The following CPA5 variants were observed in gnomAD, a reference collection of about 807,000 sequenced individuals.
The protein encoded by CPA5 is testicular tissue protein Li 32.
Under a neutral mutation model 52.2 loss-of-function variants are expected in CPA5, and 38 were observed. That is an observed-to-expected ratio of 0.73 (90% CI 0.56 to 0.95). The LOEUF is 0.95. Ranked by LOEUF, CPA5 falls within the 40% of genes least tolerant of loss-of-function variation. The probability of loss-of-function intolerance (pLI) is 0.00; values close to 1 mark genes in which losing one functional copy is unlikely to be tolerated. For missense variants in CPA5, 519 were observed against 566.7 expected, an observed-to-expected ratio of 0.92 and a Z score of 0.86; for synonymous variants, 198 against 213.7, an observed-to-expected ratio of 0.93 and a Z score of 0.64.
chr7:130,374,588 A>T, the CPA5 span, among the ~76,000 whole-genome samples: 1 of 152,122 alleles, frequency 6.6e-6, no homozygotes, highest in African/African-American at 2.4e-5. Flanking sequence ...AAAATAAAAC[A>T]TGGAAGCTGG....
chr7:130,367,799 C>T (rs1330820754), intron 11 of CPA5, 107 bp from the exon 12 acceptor site: 1 of 1,036,186 alleles, frequency 9.7e-7, no homozygotes, highest in African/African-American at 1.6e-5. Flanking sequence ...CCACCTTCAA[C>T]TTCCAGGACT....
At position 130,359,593 on chromosome 7, in the gene CPA5, T is replaced by C. The variant is rs1554406029; in HGVS notation, c.338T>C (p.Leu113Pro). 5 of 1,560,870 alleles carry C rather than the reference T, an allele frequency of 3.2e-6. No individual in the cohort carries two copies. Among genetic ancestry groups the C allele is most frequent in the Non-Finnish European group, 3.5e-6 (4 of 1,151,580 alleles). ...YSIMIKDIQV[L>P]LDEERQAMAK... ...TATGTGTTCCCCATCACCCAGGTGC[T>C]GCTGGATGAGGAAAGACAGGCCATG... The change falls in exon 6 of 13, where the codon CTG becomes CCG. Residue 113 changes from leucine (L) to proline (P), a missense_variant. Transcript: ENST00000474905.
At chr7:130,348,902 T>C (rs1794944965) in intron 4 of CPA5, among the ~76,000 whole-genome samples, 1 of 152,144 alleles carries the variant, frequency 6.6e-6, no homozygotes, top group African/African-American at 2.4e-5. Flanking sequence ...TTGCAAGCTG[T>C]TCTGAGTAGT....
intron 4 of CPA5, 113 bp from the exon 5 acceptor site, chr7:130,349,862 T>A: frequency 3.1e-6 from 4 of 1,278,768 alleles, no homozygotes; most frequent in Non-Finnish European, 4.3e-6. Context: ...ATCTCCTGCG[T>A]AGAAAGAGGG....
At position 130,359,612 on chromosome 7, in the gene CPA5, GGC is replaced by G; in HGVS notation, c.358_359del (p.Ala120HisfsTer27). On this transcript the variant is annotated frameshift_variant, in exon 6 of 13. Transcript: ENST00000474905. LOFTEE classifies it high-confidence loss of function. ...AGGTGCTGCTGGATGAGGAAAGACA[GGC>G]CATGGCGAAATCCCGCCGGCTGGAG... ...IQVLLDEERQ[A>X]MAKSRRLERS... is the part of the protein sequence containing the mutation. 6.4e-7 allele frequency: 1 copy of G among 1,571,634 alleles called. No homozygotes were observed. Among genetic ancestry groups the G allele is most frequent in the Non-Finnish European group, 8.6e-7 (1 of 1,157,844 alleles).
At chr7:130,350,498 C>T (rs966376096) in intron 5 of CPA5, among the ~76,000 whole-genome samples, 1 of 152,190 alleles carries the variant, frequency 6.6e-6, no homozygotes, top group African/African-American at 2.4e-5. Flanking sequence ...CTCCTGTTCC[C>T]GCTGTGTCTC....
At chr7:130,356,089 C>T (rs1436454998) in intron 5 of CPA5, among the ~76,000 whole-genome samples, 3 of 152,304 alleles carry the variant, frequency 2.0e-5, no homozygotes, top group African/African-American at 4.8e-5. Context: ...AGGCCAGGAA[C>T]GTGGGAGGAG....
At chr7:130,360,993 T>C in intron 6 of CPA5, 150 bp from the exon 7 acceptor site, 1 of 601,500 alleles carries the variant, frequency 1.7e-6, no homozygotes, top group Non-Finnish European at 3.0e-6. Context: ...TTTTTGCAAT[T>C]CTTTATCTGG....
chr7:130,368,514 G>T lies in CPA5; in HGVS notation c.1228G>T (p.Ala410Ser). ...TGGGCAGTATGGCTTCCTGCTGCCG[G>T]CCACACAGATCATCCCCACGGCCCA... ...DTGQYGFLLP[A>S]TQIIPTAQET... Residue 410 changes from alanine (A) to serine (S), a missense_variant, in exon 13 of 13, where the codon GCC becomes TCC. Transcript: ENST00000474905. 6.2e-7 allele frequency: 1 copy of T among 1,614,094 alleles called. No homozygotes were observed. Among genetic ancestry groups the T allele is most frequent in the African/African-American group, 1.3e-5 (1 of 75,000 alleles).
chr7:130,362,707 C>T (rs1181728912), intron 8 of CPA5, among the ~76,000 whole-genome samples, 168 bp downstream of exon 8: 3 of 152,196 alleles, frequency 2.0e-5, no homozygotes, highest in Non-Finnish European at 2.9e-5. Flanking sequence ...AGCACGGAGC[C>T]CACATTGATC....
intron 5 of CPA5, among the ~76,000 whole-genome samples, chr7:130,357,800 T>A (rs1562954535): frequency 2.0e-5 from 3 of 152,194 alleles, no homozygotes; most frequent in Non-Finnish European, 4.4e-5. Flanking sequence ...CAGGGGTCCT[T>A]GAGTTTTCAT....
rs1554406059 is a variant in CPA5, at chr7:130,359,653, G to A, written c.398G>A (p.Ser133Asn). 6.3e-7 allele frequency: 1 copy of A among 1,586,502 alleles called. No homozygotes were observed. Among genetic ancestry groups the A allele is most frequent in the Non-Finnish European group, 8.6e-7 (1 of 1,166,400 alleles). ...KSRRLERSTN[S>N]FSYSSYHTLE... ...CGCCGGCTGGAGCGCAGCACCAACAGCTTCAGTTACTCATCATACCACACC... is the reference window on the plus strand; with the variant it reads ...CGCCGGCTGGAGCGCAGCACCAACAACTTCAGTTACTCATCATACCACACC... Residue 133 changes from serine to asparagine, a missense_variant, in exon 6 of 13, where the codon AGC (serine) becomes AAC (asparagine). By Grantham distance (46) the Ser-to-Asn change is conservative. Coordinates refer to ENST00000474905, the MANE Select transcript of CPA5 (RefSeq NM_080385.5).
At chr7:130,358,716 A>G (rs1795628756) in intron 5 of CPA5, among the ~76,000 whole-genome samples, 1 of 152,144 alleles carries the variant, frequency 6.6e-6, no homozygotes, top group South Asian at 2.1e-4. Context: ...CCTGGATGCC[A>G]TTATAAGGGC....
chr7:130,354,436 C>A (rs1795356268), intron 5 of CPA5, among the ~76,000 whole-genome samples: 2 of 151,206 alleles, frequency 1.3e-5, no homozygotes, highest in South Asian at 4.2e-4. Context: ...CTCCCTCACC[C>A]AGGCTGGAGT....
At chr7:130,349,049 C>G (rs1046725745) in intron 4 of CPA5, among the ~76,000 whole-genome samples, 1 of 152,096 alleles carries the variant, frequency 6.6e-6, no homozygotes. Context: ...TAATAATGGC[C>G]CCAAAGCGCA....
chr7:130,353,013 C>G (rs1795262546), intron 5 of CPA5, among the ~76,000 whole-genome samples: 1 of 152,132 alleles, frequency 6.6e-6, no homozygotes. Flanking sequence ...CACCCATACT[C>G]TGACCATCTA....
At position 130,346,532 on chromosome 7, in the gene CPA5, T is replaced by G; in HGVS notation, c.47T>G (p.Val16Gly). The part of the protein sequence containing the change: ...GGGTRPGPSP[V>G]DRRTLLVFSF... ...GGGACGCGCCCTGGGCCATCCCCCGTGGACAGGCGGACACTCCTGGTCTTC... is the reference window on the plus strand; with the variant it reads ...GGGACGCGCCCTGGGCCATCCCCCGGGGACAGGCGGACACTCCTGGTCTTC... The change falls in exon 3 of 13, where the codon GTG (valine) becomes GGG (glycine). Residue 16 changes from valine (V) to glycine (G), a missense_variant. Transcript: ENST00000474905. The G allele has an allele frequency of 6.2e-7, 1 of 1,614,026 alleles. No homozygotes were observed. The highest frequency in any genetic ancestry group is 8.5e-7 in the Non-Finnish European group (1 of 1,179,958).
downstream of CPA5, among the ~76,000 whole-genome samples, chr7:130,372,345 T>G (rs1796303050): frequency 6.6e-6 from 1 of 152,210 alleles, no homozygotes; most frequent in Admixed American, 6.5e-5. Flanking sequence ...CTAGTAAAAT[T>G]AGGACTAGGT....
At chr7:130,349,710 AC>A (rs562934181) in intron 4 of CPA5, among the ~76,000 whole-genome samples, 93 of 148,594 alleles carry the variant, frequency 6.3e-4, no homozygotes, top group African/African-American at 2.2e-3. Context: ...TACACCTACT[AC>A]GTACCCACAA....
Sources: allele counts gnomAD v4.1 joint callset (sites outside exome capture counted in the v4.1 genomes callset), GRCh38; gene constraint gnomAD v4.1.1; transcripts MANE v1.5; gene names NCBI Gene and HGNC (gene_info 2026-07-23, HGNC 2026-07-21).